Variants in CLRN1 observed in about 807,000 individuals in gnomAD.
The protein encoded by CLRN1 is clarin 1, also known as clarin-1.
CLRN1 carries 15 observed loss-of-function variants against 18.7 expected under a neutral mutation model. That is an observed-to-expected ratio of 0.80 (90% CI 0.54 to 1.23). CLRN1 has a LOEUF of 1.23. Among genes scored for constraint, CLRN1 ranks in the 50% most tolerant of loss-of-function variants. The pLI is 0.00. For synonymous variants in CLRN1, 104 were observed against 102.9 expected (o/e 1.01, Z -0.07); for missense variants, 311 against 277.5 (o/e 1.12, Z -0.86).
chr3:150,937,544 T>C (rs1416378848), intron 2 of CLRN1, among the ~76,000 whole-genome samples: 1 of 152,156 alleles, frequency 6.6e-6, no homozygotes, highest in African/African-American at 2.4e-5. Context: ...ATGATTCTAA[T>C]GTACAGTCAA....
At chr3:150,968,709 G>A (rs1406794917) in intron 1 of CLRN1, among the ~76,000 whole-genome samples, 1 of 152,156 alleles carries the variant, frequency 6.6e-6, no homozygotes, top group African/African-American at 2.4e-5. Context: ...ACATACAAGT[G>A]TACAGCAGAA....
intron 1 of CLRN1, 52 bp downstream of exon 1, chr3:150,972,404 T>G: frequency 1.2e-6 from 2 of 1,613,388 alleles, no homozygotes; most frequent in Non-Finnish European, 1.7e-6. Context: ...CTCGCAACAC[T>G]GGGAAGAGTC....
At chr3:150,933,587 G>T (rs1453134584) in intron 2 of CLRN1, among the ~76,000 whole-genome samples, 1 of 152,144 alleles carries the variant, frequency 6.6e-6, no homozygotes, top group Non-Finnish European at 1.5e-5. Flanking sequence ...GTGTGTTTCT[G>T]AAGTGGATAC....
Position 150,941,763 on chromosome 3 carries a change from TG to T in CLRN1, c.254-3del. 1 of 1,613,770 alleles carries T rather than the reference TG, an allele frequency of 6.2e-7. No individual in the cohort carries two copies. Among genetic ancestry groups the T allele is most frequent in the Non-Finnish European group, 8.5e-7 (1 of 1,179,746 alleles). On this transcript the variant is annotated splice_polypyrimidine_tract_variant and splice_region_variant and intron_variant, in intron 1 of 2. Coordinates refer to ENST00000327047, the MANE Select transcript of CLRN1 (RefSeq NM_174878.3). ...TTGCTTTGAGCAAATCTGGAAAAACTGAAGATAAGACAAAACTAGGGTTAGA... is the reference window on the plus strand; with the variant it reads ...TTGCTTTGAGCAAATCTGGAAAAACTAAGATAAGACAAAACTAGGGTTAGA...
At chr3:150,964,741 C>T (rs980696002) in intron 1 of CLRN1, among the ~76,000 whole-genome samples, 24 of 152,108 alleles carry the variant, frequency 1.6e-4, no homozygotes, top group Admixed American at 3.3e-4. Context: ...TGAGTTCATG[C>T]CTTTTGCAGG....
At chr3:150,960,199 A>G (rs1288983495) in intron 1 of CLRN1, among the ~76,000 whole-genome samples, 1 of 152,242 alleles carries the variant, frequency 6.6e-6, no homozygotes, top group Admixed American at 6.5e-5. Flanking sequence ...CACAAGAAAC[A>G]TAAGTGAGAT....
chr3:150,969,313 ATTTTTTTTTTTTTTTTTTT>A (rs1196979915), intron 1 of CLRN1, among the ~76,000 whole-genome samples: 1 of 43,544 alleles, frequency 2.3e-5, no homozygotes, highest in East Asian at 7.8e-4. Flanking sequence ...ATATATATAT[ATTTTTTTTTTTTTTTTTTT>A]TTTTTTTTTT....
rs748535737 is a variant in CLRN1 at position 150,927,491 on chromosome 3, A to G, written c.*445T>C. ...TACATTTTATAGATGTTCATTTAAT[A>G]CACTACTGTTTTAGGAAAGCGATTG... On this transcript the variant is annotated 3_prime_UTR_variant, in exon 3 of 3. Coordinates refer to ENST00000327047, the MANE Select transcript of CLRN1 (RefSeq NM_174878.3). The G allele has an allele frequency of 2.2e-6, 1 of 453,734 alleles. No individual in the cohort carries two copies. Among genetic ancestry groups the G allele is most frequent in the South Asian group, 1.6e-5 (1 of 64,148 alleles). The allele number at this position is 453,734 out of a possible 1,614,324, so 28.1% of individuals were successfully genotyped here. A position where few individuals can be genotyped will look rare whatever the true frequency, so the allele number is the denominator to read the frequency against.
At chr3:150,962,095 C>A (rs764151809) in intron 1 of CLRN1, among the ~76,000 whole-genome samples, 5 of 152,160 alleles carry the variant, frequency 3.3e-5, no homozygotes, top group Non-Finnish European at 7.3e-5. Context: ...GGGATGACAG[C>A]GGCTGTGGCA....
intron 2 of CLRN1, among the ~76,000 whole-genome samples, chr3:150,936,907 T>C (rs879541967): frequency 6.6e-6 from 1 of 152,154 alleles, no homozygotes; most frequent in Non-Finnish European, 1.5e-5. Flanking sequence ...TGGGACGTTC[T>C]GTGAAGGTTC....
chr3:150,926,787 T>C lies in CLRN1; in HGVS notation c.*1149A>G. ...TAGTGATCTGTTTGCTGTCATTCTC[T>C]GCTTTTTCCTTGGTGCTTTCTGGAG... On this transcript the variant is annotated 3_prime_UTR_variant, in exon 3 of 3. Transcript: ENST00000327047. The C allele has an allele frequency of 6.2e-7, 1 of 1,613,948 alleles. No homozygotes were observed. The highest frequency in any genetic ancestry group is 1.1e-5 in the South Asian group (1 of 91,076).
At chr3:150,958,309 C>T (rs1005910589) in intron 1 of CLRN1, among the ~76,000 whole-genome samples, 5 of 152,300 alleles carry the variant, frequency 3.3e-5, no homozygotes, top group African/African-American at 9.6e-5. Context: ...CCCTTCCTTT[C>T]TATTTCTCTG....
intron 2 of CLRN1, among the ~76,000 whole-genome samples, chr3:150,928,689 A>G (rs1389188411): frequency 6.6e-6 from 1 of 152,226 alleles, no homozygotes; most frequent in Non-Finnish European, 1.5e-5. Context: ...AAGGGTTACC[A>G]CAGCTCCTTC....
At chr3:150,964,898 C>T (rs1010554159) in intron 1 of CLRN1, among the ~76,000 whole-genome samples, 1 of 151,398 alleles carries the variant, frequency 6.6e-6, no homozygotes, top group Non-Finnish European at 1.5e-5. Flanking sequence ...CGGGGCTTGT[C>T]GGTGGGTGGG....
At chr3:150,959,628 CAA>C (rs202231765) in intron 1 of CLRN1, among the ~76,000 whole-genome samples, 1,463 of 87,590 alleles carry the variant, frequency 0.017, 5 homozygotes, top group Non-Finnish European at 0.019. Flanking sequence ...GACTTTGTCT[CAA>C]AAAAAAAAAA....
downstream of CLRN1, chr3:150,926,346 CT>C (rs1712790397): frequency 4.5e-6 from 1 of 220,860 alleles, no homozygotes; most frequent in African/African-American, 2.3e-5. Context: ...CAGGGGGTAC[CT>C]GGCCTTGGGG....
At chr3:150,946,362 T>C (rs1490171632) in intron 1 of CLRN1, among the ~76,000 whole-genome samples, 1 of 152,206 alleles carries the variant, frequency 6.6e-6, no homozygotes, top group Non-Finnish European at 1.5e-5. Context: ...GAATTCATGT[T>C]CTCACTCTTA....
intron 2 of CLRN1, among the ~76,000 whole-genome samples, chr3:150,941,138 GTCTATCTATCTATCTA>G (rs59227042): frequency 9.9e-5 from 14 of 141,538 alleles, no homozygotes; most frequent in African/African-American, 3.4e-4. Flanking sequence ...CTGTCTGTCT[GTCTATCTATCTATCTA>G]TCTATCTATC....
intron 1 of CLRN1, chr3:150,943,857 T>A (rs1331304287): frequency 1.9e-6 from 3 of 1,614,180 alleles, no homozygotes; most frequent in South Asian, 2.2e-5. Flanking sequence ...AGTTTACTCC[T>A]CACAGCACTA....
Sources: allele counts gnomAD v4.1 joint callset (sites outside exome capture counted in the v4.1 genomes callset), GRCh38; gene constraint gnomAD v4.1.1; transcripts MANE v1.5; gene names NCBI Gene and HGNC (gene_info 2026-07-23, HGNC 2026-07-21).